ZC3H8: variants seen among roughly 807,000 people sequenced by gnomAD.
ZC3H8 encodes the protein zinc finger CCCH-type containing 8.
In ZC3H8, 27 loss-of-function variants were observed where a neutral mutation model predicts 42.5. That is an observed-to-expected ratio of 0.64 (90% CI 0.47 to 0.88). The LOEUF (loss-of-function observed/expected upper bound fraction) is 0.88, where lower values mean the gene tolerates loss of function less well. Among genes scored for constraint, ZC3H8 ranks in the 40% least tolerant of loss-of-function variants. The probability of loss-of-function intolerance (pLI) is 0.00; values close to 1 mark genes in which losing one functional copy is unlikely to be tolerated. For missense variants in ZC3H8, 277 were observed against 336.1 expected (o/e 0.82, Z 1.37); for synonymous variants, 101 against 110.1 (o/e 0.92, Z 0.52).
At chr2:112,239,510 A>G (rs187039615) in intron 2 of ZC3H8, among the ~76,000 whole-genome samples, 1 of 152,216 alleles carries the variant, frequency 6.6e-6, no homozygotes, top group East Asian at 1.9e-4. Context: ...ACTCAAAACA[A>G]ACAGACAAAA....
intron 1 of ZC3H8, among the ~76,000 whole-genome samples, chr2:112,253,766 T>G (rs1279520732): frequency 6.6e-6 from 1 of 152,102 alleles, no homozygotes; most frequent in Non-Finnish European, 1.5e-5. Flanking sequence ...TGCTATTATC[T>G]TTTTTTTGTG....
At chr2:112,242,720 C>T (rs1685626974) in intron 2 of ZC3H8, among the ~76,000 whole-genome samples, 1 of 152,154 alleles carries the variant, frequency 6.6e-6, no homozygotes, top group African/African-American at 2.4e-5. Flanking sequence ...ATTAAGCATT[C>T]ACCACAATAT....
At chr2:112,249,086 A>C (rs1398519114) in intron 2 of ZC3H8, among the ~76,000 whole-genome samples, 1 of 152,090 alleles carries the variant, frequency 6.6e-6, no homozygotes, top group Non-Finnish European at 1.5e-5. Context: ...CACACCTGTA[A>C]TCCCAGCTAC....
chr2:112,248,254 A>G (rs1685823432), intron 2 of ZC3H8, among the ~76,000 whole-genome samples: 1 of 152,004 alleles, frequency 6.6e-6, no homozygotes, highest in Non-Finnish European at 1.5e-5. Flanking sequence ...CGAACCCAGG[A>G]GAAGGAGGTT....
intron 4 of ZC3H8, among the ~76,000 whole-genome samples, chr2:112,235,761 G>T (rs1197701796): frequency 6.6e-6 from 1 of 151,954 alleles, no homozygotes. Flanking sequence ...TGGGGAGTGG[G>T]GAGATTCAGT....
chr2:112,237,851 G>T (rs1685411676), intron 3 of ZC3H8, among the ~76,000 whole-genome samples: 1 of 152,156 alleles, frequency 6.6e-6, no homozygotes, highest in Non-Finnish European at 1.5e-5. Context: ...ACAGGCGTGA[G>T]CCACCATGCC....
intron 5 of ZC3H8, among the ~76,000 whole-genome samples, chr2:112,233,760 T>C (rs753901850): frequency 6.6e-6 from 1 of 151,970 alleles, no homozygotes; most frequent in African/African-American, 2.4e-5. Flanking sequence ...TCCCAGCTAC[T>C]TGGGAGGCTG....
intron 5 of ZC3H8, 93 bp from the exon 6 acceptor site, chr2:112,233,464 T>C (rs1573904973): frequency 1.2e-6 from 1 of 852,430 alleles, no homozygotes; most frequent in East Asian, 2.8e-5. Flanking sequence ...AAGCAAATGA[T>C]TCCAGAAAGA....
At chr2:112,230,596 TAC>T (rs1482248250) in intron 8 of ZC3H8, 1 of 173,560 alleles carries the variant, frequency 5.8e-6, no homozygotes, top group Non-Finnish European at 1.2e-5. Flanking sequence ...GAGAGTATGA[TAC>T]AGTCTGATAA....
intron 8 of ZC3H8, among the ~76,000 whole-genome samples, chr2:112,219,912 G>T (rs576211485): frequency 5.4e-4 from 82 of 152,206 alleles, no homozygotes; most frequent in African/African-American, 2.0e-3. Flanking sequence ...TCACTTCATA[G>T]GTCTTTAAAA....
chr2:112,226,589 CAA>C (rs549996878), intron 8 of ZC3H8, among the ~76,000 whole-genome samples: 8 of 74,178 alleles, frequency 1.1e-4, no homozygotes, highest in East Asian at 9.4e-4. Flanking sequence ...GACTCCATCT[CAA>C]AAAAAAAAAA....
Position 112,211,542 on chromosome 2 carries a change from TTTTA to T in ZC3H8, c.*4938_*4941del, listed in dbSNP as rs1438134657. On this transcript the variant is annotated 3_prime_UTR_variant, in exon 9 of 9. Coordinates refer to ENST00000409573, the MANE Select transcript of ZC3H8 (RefSeq NM_032494.3). ...TAACAAACTTTATTTCATAGTAAAC[TTTTA>T]TTTAACTATGTACAACTTCAGTTAA... The T allele has an allele frequency of 1.3e-5, 2 of 152,204 alleles. No individual in the cohort carries two copies. The highest frequency in any genetic ancestry group is 6.5e-5 in the Admixed American group (1 of 15,286). 9.4% of individuals were successfully genotyped at this position (152,204 alleles called of 1,614,324 possible). A position where few individuals can be genotyped will look rare whatever the true frequency, so the allele number is the denominator to read the frequency against.
At chr2:112,245,817 A>G (rs1013489289) in intron 2 of ZC3H8, among the ~76,000 whole-genome samples, 1 of 152,268 alleles carries the variant, frequency 6.6e-6, no homozygotes. Context: ...TGGGACTTTC[A>G]TAACTAGAGA....
rs796524595 is a variant in ZC3H8, at chr2:112,252,341, C to A, written c.75-2069G>T. ...CAAAACCTTAAAGTCAATCTTGATT[C>A]CTCTCTCACATCCCCATCCAATCTC... On this transcript the variant is annotated intron_variant, in intron 1 of 8. Transcript: ENST00000409573. 1.3e-4 allele frequency among the ~76,000 whole-genome samples: 20 copies of A among 152,290 alleles called. 1 individual carries two copies. The highest frequency in any genetic ancestry group is 4.8e-4 in the African/African-American group (20 of 41,566).
chr2:112,253,200 T>C (rs540430114), intron 1 of ZC3H8, among the ~76,000 whole-genome samples: 30 of 152,194 alleles, frequency 2.0e-4, no homozygotes, highest in Admixed American at 1.1e-3. Context: ...TATTTTCCCC[T>C]TACCCTTCAT....
chr2:112,215,387 G>T lies in ZC3H8; in HGVS notation c.*1097C>A, dbSNP rs1437422016. The T allele has an allele frequency of 6.6e-6, 1 of 152,200 alleles. No individual in the cohort carries two copies. The highest frequency in any genetic ancestry group is 1.5e-5 in the Non-Finnish European group (1 of 68,042). The allele number at this position is 152,200 out of a possible 1,614,324, so 9.4% of individuals were successfully genotyped here. ...TCAGTTTCCTGCTTCTAAGGGCCTA[G>T]GATTTACCCTTGTTTCCTGCTTTCT... On this transcript the variant is annotated 3_prime_UTR_variant, in exon 9 of 9. Transcript: ENST00000409573.
In ZC3H8 at chr2:112,238,405, G is replaced by GTA; in HGVS notation, c.279_280insTA (p.Leu94TyrfsTer26). The GTA allele has an allele frequency of 6.2e-7, 1 of 1,613,636 alleles. No homozygotes were observed. The highest frequency in any genetic ancestry group is 1.3e-5 in the African/African-American group (1 of 75,018). ...TCTCTGGCTTGTATGTACTGTTGAA[G>GTA]CTCTTTGGCAAAATTATCTTCTGAT... On this transcript the variant is annotated frameshift_variant, in exon 3 of 9. Coordinates refer to ENST00000409573, the MANE Select transcript of ZC3H8 (RefSeq NM_032494.3). LOFTEE classifies it high-confidence loss of function.
At chr2:112,254,839 C>G in intron 1 of ZC3H8, 69 bp downstream of exon 1, 1 of 1,542,412 alleles carries the variant, frequency 6.5e-7, no homozygotes, top group Non-Finnish European at 8.8e-7. Context: ...TGCCTCCAAT[C>G]CAGAAGAAAC....
intron 2 of ZC3H8, among the ~76,000 whole-genome samples, chr2:112,249,155 C>A (rs1181413596): frequency 2.0e-5 from 3 of 152,074 alleles, no homozygotes. Context: ...GAGATTGTGC[C>A]ACTGCACTCC....
Sources: gnomAD v4.1 joint callset for allele counts (sites outside exome capture counted in the v4.1 genomes callset) on GRCh38, gnomAD v4.1.1 for gene constraint, MANE v1.5 for transcripts, NCBI Gene and HGNC (gene_info 2026-07-23, HGNC 2026-07-21) for gene names.